Variants in SLC51B observed in about 807,000 individuals in gnomAD.
SLC51B encodes the protein organic solute transporter subunit beta.
Under a neutral mutation model 8.0 loss-of-function variants are expected in SLC51B, and 6 were observed. The ratio of observed to expected loss-of-function variants is 0.75; its 90% CI spans 0.41 to 1.48. The LOEUF is 1.48. Ranked by LOEUF, SLC51B falls within the 40% of genes most tolerant of loss-of-function variation. SLC51B has a pLI of 0.01. For missense variants in SLC51B, 150 were observed against 149.7 expected (o/e 1.00, Z -0.01); for synonymous variants, 61 against 54.8 (o/e 1.11, Z -0.50).
intron 1 of SLC51B, among the ~76,000 whole-genome samples, chr15:65,047,459 T>A (rs1228469734): frequency 1.3e-5 from 2 of 152,154 alleles, no homozygotes; most frequent in Non-Finnish European, 2.9e-5. Context: ...AACCACACAA[T>A]ACAGGAGTGG....
intron 1 of SLC51B, among the ~76,000 whole-genome samples, chr15:65,047,456 C>G (rs2086590666): frequency 6.6e-6 from 1 of 152,064 alleles, no homozygotes; most frequent in Non-Finnish European, 1.5e-5. Context: ...AGAAACCACA[C>G]AATACAGGAG....
At chr15:65,050,830 C>CTTTTTTTTTTTTTT (rs1206139825) in intron 2 of SLC51B, among the ~76,000 whole-genome samples, 3 of 48,534 alleles carry the variant, frequency 6.2e-5, no homozygotes, top group African/African-American at 1.6e-4. Flanking sequence ...CTTTCTTCTT[C>CTTTTTTTTTTTTTT]TTCTTCTTTT....
Position 65,048,288 on chromosome 15 carries a change from A to G in SLC51B, c.-108-1609A>G, listed in dbSNP as rs146346567. Among the ~76,000 whole-genome samples, 243 of 152,300 alleles carry G rather than the reference A, an allele frequency of 1.6e-3. 1 individual carries two copies. The highest frequency in any genetic ancestry group is 5.8e-3 in the African/African-American group (240 of 41,554). ...TGATCATTCACATATGAAAAGCTTA[A>G]GTCAGTATTGTATTTGTGTCAAAAT... is the stretch of plus-strand genomic sequence containing the variant. On this transcript the variant is annotated intron_variant, in intron 1 of 3. Transcript: ENST00000334287.
intron 1 of SLC51B, chr15:65,049,295 C>G (rs994743976): frequency 1.9e-5 from 2 of 107,750 alleles, no homozygotes; most frequent in African/African-American, 3.7e-5. Flanking sequence ...TCTTCCCTTG[C>G]AAATAACAGA....
Position 65,048,954 on chromosome 15 carries a change from G to A in SLC51B, c.-108-943G>A, listed in dbSNP as rs571661316. ...GAACCTGGGAGGCGGAGGTTGCAGT[G>A]AGCAGAGATCGTGCCACTGCACTCC... On this transcript the variant is annotated intron_variant, in intron 1 of 3. Coordinates refer to ENST00000334287, the MANE Select transcript of SLC51B (RefSeq NM_178859.4). Among the ~76,000 whole-genome samples the A allele has an allele frequency of 2.6e-4, 38 of 145,440 alleles. 1 individual carries two copies. The highest frequency in any genetic ancestry group is 3.7e-3 in the Middle Eastern group (1 of 270).
chr15:65,046,798 A>G (rs191726145), intron 1 of SLC51B, among the ~76,000 whole-genome samples: 298 of 152,060 alleles, frequency 2.0e-3, no homozygotes, highest in African/African-American at 6.6e-3. Context: ...CTGTTGTACC[A>G]GCTGCTCAGG....
intron 2 of SLC51B, among the ~76,000 whole-genome samples, chr15:65,050,838 T>TC (rs2086643531): frequency 6.9e-6 from 1 of 144,792 alleles, no homozygotes; most frequent in South Asian, 2.3e-4. Context: ...TTCTTCTTCT[T>TC]TTTTTTTTTT....
intron 1 of SLC51B, chr15:65,049,686 G>C (rs1363561141): frequency 1.0e-5 from 2 of 199,688 alleles, no homozygotes; most frequent in African/African-American, 4.7e-5. Context: ...CTCACTCCCA[G>C]AACAGTGCTC....
At chr15:65,047,468 G>A (rs549958960) in intron 1 of SLC51B, among the ~76,000 whole-genome samples, 3 of 152,184 alleles carry the variant, frequency 2.0e-5, no homozygotes, top group Admixed American at 1.3e-4. Context: ...ATACAGGAGT[G>A]GTCAACATGA....
intron 1 of SLC51B, among the ~76,000 whole-genome samples, chr15:65,048,907 G>T (rs920712793): frequency 2.0e-5 from 3 of 151,810 alleles, no homozygotes; most frequent in African/African-American, 4.8e-5. Flanking sequence ...CTACTTAGGA[G>T]GCTGAGACAG....
intron 1 of SLC51B, among the ~76,000 whole-genome samples, chr15:65,047,673 T>C (rs1196882842): frequency 6.6e-6 from 1 of 152,226 alleles, no homozygotes. Context: ...GACAGTGCTC[T>C]GGACAGTCAG....
chr15:65,052,838 G>T, intron 3 of SLC51B, 128 bp from the exon 4 acceptor site: 2 of 761,856 alleles, frequency 2.6e-6, no homozygotes, highest in Non-Finnish European at 4.3e-6. Context: ...AACCATTGCC[G>T]CTTCTCCTCT....
At chr15:65,046,529 C>A (rs2086579946) in intron 1 of SLC51B, among the ~76,000 whole-genome samples, 1 of 152,178 alleles carries the variant, frequency 6.6e-6, no homozygotes, top group African/African-American at 2.4e-5. Context: ...CTGAGGAGGG[C>A]TGACTCTCGG....
intron 2 of SLC51B, among the ~76,000 whole-genome samples, chr15:65,050,893 G>T (rs1205522369): frequency 1.5e-5 from 2 of 131,034 alleles, no homozygotes; most frequent in East Asian, 4.8e-4. Flanking sequence ...TGCCCAGGCT[G>T]GAGTGCAGTG....
intron 1 of SLC51B, 62 bp from the exon 2 acceptor site, chr15:65,049,835 G>T (rs2086625872): frequency 4.9e-4 from 210 of 430,512 alleles, no homozygotes; most frequent in Middle Eastern, 6.3e-4. Flanking sequence ...ATCTGGATTT[G>T]GGCACAGAGG....
At chr15:65,048,941 C>T (rs908013145) in intron 1 of SLC51B, among the ~76,000 whole-genome samples, 5 of 138,882 alleles carry the variant, frequency 3.6e-5, no homozygotes, top group Non-Finnish European at 7.6e-5. Flanking sequence ...ACCTGGGAGG[C>T]GGAGGTTGCA....
At chr15:65,050,836 C>CTTCTTTTTT (rs759242705) in intron 2 of SLC51B, among the ~76,000 whole-genome samples, 1 of 95,650 alleles carries the variant, frequency 1.0e-5, no homozygotes, top group African/African-American at 4.3e-5. Context: ...TCTTCTTCTT[C>CTTCTTTTTT]TTTTTTTTTT....
chr15:65,050,249 C>A, intron 2 of SLC51B, 148 bp downstream of exon 2: 1 of 653,394 alleles, frequency 1.5e-6, no homozygotes, highest in Non-Finnish European at 2.7e-6. Flanking sequence ...GTCTCAGTAC[C>A]CAGAGGGGTC....
chr15:65,053,282 C>T lies in SLC51B; in HGVS notation c.*118C>T. 2 of 1,428,036 alleles carry T rather than the reference C, an allele frequency of 1.4e-6. No homozygotes were observed. The highest frequency in any genetic ancestry group is 1.8e-6 in the Non-Finnish European group (2 of 1,094,370). 88.5% of individuals were successfully genotyped at this position (1,428,036 alleles called of 1,614,324 possible). On this transcript the variant is annotated 3_prime_UTR_variant, in exon 4 of 4. Transcript: ENST00000334287. ...AGAAGCCGCTTTTTTCTTTTTCTTT[C>T]TTTCTTTTTTTTTTTCTTAGCAGAT...
Sources: allele counts gnomAD v4.1 joint callset (sites outside exome capture counted in the v4.1 genomes callset), GRCh38; gene constraint gnomAD v4.1.1; transcripts MANE v1.5; gene names NCBI Gene and HGNC (gene_info 2026-07-23, HGNC 2026-07-21).